The following PIAS1 variants were observed in gnomAD, a reference collection of about 807,000 sequenced individuals.
PIAS1 encodes the protein protein inhibitor of activated STAT 1.
In PIAS1, 6 loss-of-function variants were observed where a neutral mutation model predicts 71.3. The ratio of observed to expected loss-of-function variants is 0.08; its 90% CI spans 0.05 to 0.17. The LOEUF (loss-of-function observed/expected upper bound fraction) is 0.17, where lower values mean the gene tolerates loss of function less well. Ranked by LOEUF, PIAS1 falls within the 10% of genes least tolerant of loss-of-function variation. The probability of loss-of-function intolerance (pLI) is 1.00; values close to 1 mark genes in which losing one functional copy is unlikely to be tolerated. For synonymous variants in PIAS1, 303 were observed against 292.9 expected, an observed-to-expected ratio of 1.03 and a Z score of -0.35; for missense variants, 555 against 793.6, an observed-to-expected ratio of 0.70 and a Z score of 3.61.
At chr15:68,168,691 A>T (rs2092972064) in intron 8 of PIAS1, among the ~76,000 whole-genome samples, 1 of 152,182 alleles carries the variant, frequency 6.6e-6, no homozygotes, top group Non-Finnish European at 1.5e-5. Context: ...AAAAAAAATC[A>T]GGAATATGAG....
intron 1 of PIAS1, among the ~76,000 whole-genome samples, chr15:68,071,117 G>A (rs1484003126): frequency 1.3e-5 from 2 of 152,016 alleles, no homozygotes; most frequent in Non-Finnish European, 2.9e-5. Context: ...GAGAGGGAGT[G>A]GACATTGAGG....
At chr15:68,157,725 A>C (rs2092900536) in intron 7 of PIAS1, among the ~76,000 whole-genome samples, 1 of 152,144 alleles carries the variant, frequency 6.6e-6, no homozygotes, top group Non-Finnish European at 1.5e-5. Flanking sequence ...TCTTGGGTGC[A>C]CTTTTCTACG....
intron 1 of PIAS1, among the ~76,000 whole-genome samples, chr15:68,085,977 G>T (rs1408523088): frequency 6.6e-6 from 1 of 152,090 alleles, no homozygotes; most frequent in African/African-American, 2.4e-5. Context: ...ACATTCTCCT[G>T]GAGACTCAGT....
chr15:68,097,481 G>T (rs934526139), intron 2 of PIAS1, among the ~76,000 whole-genome samples: 4 of 151,990 alleles, frequency 2.6e-5, no homozygotes, highest in Admixed American at 6.6e-5. Flanking sequence ...CACCCAGGCT[G>T]GAGTGCAATG....
At chr15:68,123,275 C>T (rs184076077) in intron 2 of PIAS1, among the ~76,000 whole-genome samples, 1 of 152,176 alleles carries the variant, frequency 6.6e-6, no homozygotes, top group Admixed American at 6.5e-5. Context: ...TGGTCTCAAA[C>T]TCCTGGCGTC....
intron 2 of PIAS1, among the ~76,000 whole-genome samples, chr15:68,118,899 A>G (rs1316833547): frequency 6.6e-6 from 1 of 152,198 alleles, no homozygotes; most frequent in East Asian, 1.9e-4. Flanking sequence ...GACAAGGCTT[A>G]AACCTTGAAA....
chr15:68,125,345 A>G (rs996572154), intron 2 of PIAS1, among the ~76,000 whole-genome samples: 2 of 152,176 alleles, frequency 1.3e-5, no homozygotes, highest in Non-Finnish European at 1.5e-5. Context: ...CAAACACAGG[A>G]TACTCTGTCA....
chr15:68,130,234 G>A (rs1020094977), intron 2 of PIAS1, among the ~76,000 whole-genome samples: 11 of 151,782 alleles, frequency 7.2e-5, no homozygotes, highest in Non-Finnish European at 1.5e-5. Context: ...AAAAGAAAAA[G>A]GCTTATGAAA....
Position 68,181,256 on chromosome 15 carries a change from C to T in PIAS1, c.1526C>T (p.Pro509Leu), listed in dbSNP as rs1259721578. ...PHQASPVSRT[P>L]SLPAVDTSYI... ...CAAGCATCTCCAGTATCCCGCACCCCAAGCCTTCCTGCTGTAGACACAAGC... is the reference window on the plus strand; with the variant it reads ...CAAGCATCTCCAGTATCCCGCACCCTAAGCCTTCCTGCTGTAGACACAAGC... Residue 509 changes from proline to leucine, a missense_variant, in exon 12 of 14, where the codon CCA (proline) becomes CTA (leucine). By Grantham distance (98) the Pro-to-Leu change is moderately conservative (BLOSUM62 -3). Transcript: ENST00000249636. 1.1e-5 allele frequency: 18 copies of T among 1,613,614 alleles called. No individual in the cohort carries two copies. Among genetic ancestry groups the T allele is most frequent in the Non-Finnish European group, 1.5e-5 (18 of 1,179,632 alleles).
At position 68,178,064 on chromosome 15, in the gene PIAS1, T is replaced by G. The variant is rs1284140954; in HGVS notation, c.1481+1410T>G. On this transcript the variant is annotated intron_variant, in intron 11 of 13. Coordinates refer to ENST00000249636, the MANE Select transcript of PIAS1 (RefSeq NM_016166.3). This position sits in a 1 kb window ranked among gnomAD's most constrained non-coding sequence, Gnocchi z 4.2. ...ACATTGTATGATGAGATTAAAGATT[T>G]CTATCAGTTTGAGACCAGCCTGGGC... is the stretch of plus-strand genomic sequence containing the variant. Among the ~76,000 whole-genome samples, 3 of 152,130 alleles carry G rather than the reference T, an allele frequency of 2.0e-5. No homozygotes were observed. The highest frequency in any genetic ancestry group is 4.4e-5 in the Non-Finnish European group (3 of 68,016).
In PIAS1 at chr15:68,190,897, C is replaced by T. The variant is rs1035925776; in HGVS notation, c.*3062C>T. 3 of 152,110 alleles carry T rather than the reference C, an allele frequency of 2.0e-5. No homozygotes were observed. The highest frequency in any genetic ancestry group is 2.1e-4 in the South Asian group (1 of 4,826). The allele number at this position is 152,110 out of a possible 1,614,324, so 9.4% of individuals were successfully genotyped here. On this transcript the variant is annotated 3_prime_UTR_variant, in exon 14 of 14. Coordinates refer to ENST00000249636, the MANE Select transcript of PIAS1 (RefSeq NM_016166.3). The surrounding 1 kb of genome is among the most constrained non-coding windows in gnomAD (Gnocchi z 4.7). ...AAGATTCACGTAAGCTCTGAAAAAT[C>T]GGATTCTTTGGCAGATTTTCCTTTG... is the stretch of plus-strand genomic sequence containing the variant.
At chr15:68,137,728 C>A (rs902726254) in intron 2 of PIAS1, among the ~76,000 whole-genome samples, 4 of 152,166 alleles carry the variant, frequency 2.6e-5, no homozygotes, top group African/African-American at 9.7e-5. Flanking sequence ...ATAACATTGT[C>A]TTCATGATTA....
Position 68,173,660 on chromosome 15 carries a change from T to C in PIAS1, c.1009-72T>C. 6.2e-6 allele frequency: 7 copies of C among 1,129,646 alleles called. No individual in the cohort carries two copies. Among genetic ancestry groups the C allele is most frequent in the Non-Finnish European group, 8.5e-6 (7 of 823,250 alleles). 70.0% of individuals were successfully genotyped at this position (1,129,646 alleles called of 1,614,324 possible). ...ATCAGCATGCCTACCTGTTGTGTTC[T>C]AGGAAATTTTTGTCAAAGCTTAAAT... On this transcript the variant is annotated intron_variant, in intron 8 of 13. Transcript: ENST00000249636. The surrounding 1 kb of genome is among the most constrained non-coding windows in gnomAD (Gnocchi z 4.3).
chr15:68,181,500 G>A (rs986586783), intron 12 of PIAS1, 146 bp downstream of exon 12: 7 of 689,280 alleles, frequency 1.0e-5, no homozygotes, highest in African/African-American at 5.4e-5. Context: ...ATAATATGCC[G>A]TTGTTATAAA....
At chr15:68,128,658 A>G (rs749678166) in intron 2 of PIAS1, among the ~76,000 whole-genome samples, 19 of 152,358 alleles carry the variant, frequency 1.2e-4, no homozygotes, top group Non-Finnish European at 1.3e-4. Context: ...ATCATCTGTT[A>G]AAACATTCCA....
chr15:68,161,681 A>C (rs1464851311), intron 7 of PIAS1, among the ~76,000 whole-genome samples: 1 of 152,046 alleles, frequency 6.6e-6, no homozygotes, highest in Non-Finnish European at 1.5e-5. Flanking sequence ...CCATATTCCC[A>C]ATACTTTGGG....
At chr15:68,073,460 G>C (rs576844376) in intron 1 of PIAS1, among the ~76,000 whole-genome samples, 2 of 152,320 alleles carry the variant, frequency 1.3e-5, no homozygotes, top group South Asian at 4.1e-4. Flanking sequence ...GTTAAGAATT[G>C]ACAAGTAAAC....
At chr15:68,081,417 A>G (rs2092226920) in intron 1 of PIAS1, among the ~76,000 whole-genome samples, 1 of 152,110 alleles carries the variant, frequency 6.6e-6, no homozygotes, top group Non-Finnish European at 1.5e-5. Flanking sequence ...AGATTTTCCC[A>G]TCATCTTTTT....
intron 2 of PIAS1, among the ~76,000 whole-genome samples, chr15:68,122,155 G>A (rs1016674661): frequency 1.3e-5 from 2 of 151,938 alleles, no homozygotes; most frequent in African/African-American, 4.8e-5. Flanking sequence ...AAACTTTAAG[G>A]GCAAAGGATA....
Sources: gnomAD v4.1 joint callset for allele counts (sites outside exome capture counted in the v4.1 genomes callset) on GRCh38, gnomAD v4.1.1 for gene constraint, Gnocchi (gnomAD v3.1) non-coding constraint, MANE v1.5 for transcripts, NCBI Gene and HGNC (gene_info 2026-07-23, HGNC 2026-07-21) for gene names.